CCSER1: variants seen among roughly 807,000 people sequenced by gnomAD.
CCSER1 encodes the protein coiled-coil serine rich protein 1.
In CCSER1, 41 loss-of-function variants were observed where a neutral mutation model predicts 82.0. The observed-to-expected ratio is 0.50, with a 90% CI of 0.39 to 0.65. The LOEUF is 0.65. Among genes scored for constraint, CCSER1 ranks in the 30% least tolerant of loss-of-function variants. The probability of loss-of-function intolerance (pLI) is 0.00; values close to 1 mark genes in which losing one functional copy is unlikely to be tolerated. For missense variants in CCSER1, 1,119 were observed against 1,064.2 expected (o/e 1.05, Z -0.72); for synonymous variants, 414 against 383.9 (o/e 1.08, Z -0.92).
chr4:91,155,385 C>T (rs1416155154), intron 10 of CCSER1, among the ~76,000 whole-genome samples: 2 of 151,926 alleles, frequency 1.3e-5, no homozygotes, highest in African/African-American at 4.8e-5. Context: ...CCCTCCCCAG[C>T]CATGTGGAAC....
chr4:91,395,918 G>C (rs759985694), intron 10 of CCSER1, among the ~76,000 whole-genome samples: 5 of 152,050 alleles, frequency 3.3e-5, no homozygotes, highest in African/African-American at 7.2e-5. Flanking sequence ...GTCATAAACA[G>C]CTATTGAATG....
chr4:90,704,971 C>T (rs1265673019), intron 6 of CCSER1, among the ~76,000 whole-genome samples: 3 of 152,214 alleles, frequency 2.0e-5, no homozygotes, highest in Admixed American at 2.0e-4. Context: ...CTTTTCTCAA[C>T]TCGTCAAAGT....
rs986476860 is a variant in CCSER1, at chr4:91,599,939, T to C, written c.*882T>C. On this transcript the variant is annotated 3_prime_UTR_variant, in exon 11 of 11. Coordinates refer to ENST00000509176, the MANE Select transcript of CCSER1 (RefSeq NM_001145065.2). ...TGAAACATCCTAAGAAAATTATTCT[T>C]TTTCTTTACTTTCCTTATTTTTTAA... 1.3e-5 allele frequency: 2 copies of C among 152,166 alleles called. No homozygotes were observed. The highest frequency in any genetic ancestry group is 6.6e-5 in the Admixed American group (1 of 15,262). 9.4% of individuals were successfully genotyped at this position (152,166 alleles called of 1,614,324 possible). A position where few individuals can be genotyped will look rare whatever the true frequency, so the allele number is the denominator to read the frequency against.
intron 8 of CCSER1, among the ~76,000 whole-genome samples, chr4:90,873,701 C>T (rs542485043): frequency 6.6e-6 from 1 of 152,070 alleles, no homozygotes; most frequent in East Asian, 1.9e-4. Flanking sequence ...TATACATTAC[C>T]TGCCAGATTT....
intron 10 of CCSER1, among the ~76,000 whole-genome samples, chr4:91,315,694 T>TA (rs920730591): frequency 2.0e-5 from 3 of 151,966 alleles, no homozygotes; most frequent in African/African-American, 4.8e-5. Flanking sequence ...AGCATAAGGA[T>TA]AAAAAATTCA....
intron 5 of CCSER1, among the ~76,000 whole-genome samples, chr4:90,495,550 C>G (rs1287345547): frequency 2.0e-5 from 3 of 152,106 alleles, no homozygotes; most frequent in African/African-American, 4.8e-5. Context: ...CCAAAATAAA[C>G]AGTACTCTAA....
intron 3 of CCSER1, among the ~76,000 whole-genome samples, chr4:90,328,422 T>C (rs966266103): frequency 2.6e-5 from 4 of 152,136 alleles, no homozygotes; most frequent in Non-Finnish European, 5.9e-5. Flanking sequence ...GTCAAGTAAT[T>C]CTTAATATCC....
At chr4:90,698,537 C>T (rs1018727716) in intron 6 of CCSER1, among the ~76,000 whole-genome samples, 6 of 152,250 alleles carry the variant, frequency 3.9e-5, no homozygotes, top group African/African-American at 4.8e-5. Flanking sequence ...CCATGCATTT[C>T]GTCATTCTTT....
At position 91,011,253 on chromosome 4, in the gene CCSER1, T is replaced by C. The variant is rs551324097; in HGVS notation, c.2173-74697T>C. Among the ~76,000 whole-genome samples, 17 of 134,118 alleles carry C rather than the reference T, an allele frequency of 1.3e-4. 5 individuals are homozygous for C. The South Asian group carries it at 4.1e-3, about 32-fold the overall frequency. The allele number at this position is 134,118 out of a possible 152,430, so 88.0% of individuals were successfully genotyped here. A position where few individuals can be genotyped will look rare whatever the true frequency, so the allele number is the denominator to read the frequency against. On this transcript the variant is annotated intron_variant, in intron 9 of 10. Coordinates refer to ENST00000509176, the MANE Select transcript of CCSER1 (RefSeq NM_001145065.2). ...GCAGTTTGTGGTGGCAGTGGTAGCA[T>C]AGGTTATTAAGTTCCTTCGTGGCAA...
intron 10 of CCSER1, among the ~76,000 whole-genome samples, chr4:91,212,315 C>A (rs544241607): frequency 1.3e-4 from 20 of 152,074 alleles, no homozygotes; most frequent in Middle Eastern, 3.4e-3. Flanking sequence ...TAAGCTCCTG[C>A]CGAGCTGCTT....
At chr4:90,942,114 AT>A (rs1041715036) in intron 9 of CCSER1, among the ~76,000 whole-genome samples, 1 of 151,734 alleles carries the variant, frequency 6.6e-6, no homozygotes, top group African/African-American at 2.4e-5. Context: ...TACTCAGCTC[AT>A]TTTTTTGTAT....
At chr4:91,118,097 C>A (rs1373974066) in intron 10 of CCSER1, among the ~76,000 whole-genome samples, 1 of 151,820 alleles carries the variant, frequency 6.6e-6, no homozygotes, top group Non-Finnish European at 1.5e-5. Context: ...TTTTGTTATC[C>A]CTGATTCAAT....
intron 10 of CCSER1, among the ~76,000 whole-genome samples, chr4:91,425,942 G>T (rs574141112): frequency 5.9e-5 from 9 of 152,278 alleles, no homozygotes; most frequent in Non-Finnish European, 8.8e-5. Context: ...AGAATGTGCA[G>T]TTTTGTTACA....
chr4:90,227,663 G>T (rs895112905), intron 1 of CCSER1, among the ~76,000 whole-genome samples: 1 of 152,240 alleles, frequency 6.6e-6, no homozygotes, highest in Non-Finnish European at 1.5e-5. Context: ...AGCTCCCAGC[G>T]TGAGCGACGC....
intron 10 of CCSER1, among the ~76,000 whole-genome samples, chr4:91,595,000 G>T (rs1764495786): frequency 6.6e-6 from 1 of 151,596 alleles, no homozygotes; most frequent in South Asian, 2.1e-4. Flanking sequence ...TGAGAGTGTT[G>T]GCAACTGATA....
chr4:90,875,378 CTTA>C (rs1580879183), intron 8 of CCSER1, among the ~76,000 whole-genome samples: 2 of 152,204 alleles, frequency 1.3e-5, no homozygotes, highest in African/African-American at 2.4e-5. Flanking sequence ...AATGGAGGAA[CTTA>C]TTATAAACAA....
chr4:90,204,415 A>C (rs1434507379), intron 1 of CCSER1, among the ~76,000 whole-genome samples: 10 of 152,220 alleles, frequency 6.6e-5, no homozygotes, highest in African/African-American at 2.4e-4. Context: ...GCATATGGCT[A>C]GCCAGTTTTC....
intron 10 of CCSER1, among the ~76,000 whole-genome samples, chr4:91,407,337 C>T (rs1175476310): frequency 6.6e-6 from 1 of 152,184 alleles, no homozygotes; most frequent in African/African-American, 2.4e-5. Flanking sequence ...GTCTTGTTAA[C>T]ATGCAATCTG....
rs555023312 is a variant in CCSER1 at position 90,229,622 on chromosome 4, A to G, written c.-41-78622A>G. Among the ~76,000 whole-genome samples, 22 of 152,268 alleles carry G rather than the reference A, an allele frequency of 1.4e-4. No homozygotes were observed. In the East Asian group the frequency reaches 4.2e-3, roughly 29 times the overall value. On this transcript the variant is annotated intron_variant, in intron 1 of 10. Coordinates refer to ENST00000509176, the MANE Select transcript of CCSER1 (RefSeq NM_001145065.2). ...CAGGATCAAATTCACACATAACAAT[A>G]TTACCTTTAAATGTAACTGGACTAA...
Sources: gnomAD v4.1 joint callset for allele counts (sites outside exome capture counted in the v4.1 genomes callset) on GRCh38, gnomAD v4.1.1 for gene constraint, MANE v1.5 for transcripts, NCBI Gene and HGNC (gene_info 2026-07-23, HGNC 2026-07-21) for gene names.